The following GRXCR1 variants were observed in gnomAD, a reference collection of about 807,000 sequenced individuals.
GRXCR1 encodes the protein glutaredoxin and cysteine rich domain containing 1.
GRXCR1 carries 27 observed loss-of-function variants against 27.3 expected under a neutral mutation model. The observed-to-expected ratio is 0.99, with a 90% CI of 0.73 to 1.37. GRXCR1 has a LOEUF of 1.37. Ranked by LOEUF, GRXCR1 falls within the 40% of genes most tolerant of loss-of-function variation. The pLI, the probability that GRXCR1 is intolerant of heterozygous loss-of-function variation, is 0.00. For synonymous variants in GRXCR1, 122 were observed against 131.1 expected (o/e 0.93, Z 0.47); for missense variants, 379 against 354.4 (o/e 1.07, Z -0.56).
rs73177732 is a variant in GRXCR1, at chr4:42,965,690, T to G, written c.627+2556T>G. 3.9e-4 allele frequency among the ~76,000 whole-genome samples: 59 copies of G among 152,082 alleles called. 1 individual carries two copies. The highest frequency in any genetic ancestry group is 1.2e-3 in the African/African-American group (51 of 41,532). On this transcript the variant is annotated intron_variant, in intron 2 of 3. Transcript: ENST00000399770. ...TAGATGGGTGAGAAAAATCAAGATT[T>G]GTGAATCATCTGCACAATACAATTT...
chr4:42,957,211 G>A (rs1324156702), intron 1 of GRXCR1, among the ~76,000 whole-genome samples: 25 of 152,006 alleles, frequency 1.6e-4, no homozygotes, highest in Admixed American at 1.6e-3. Flanking sequence ...GACAAGAAGA[G>A]AAGGTACCCA....
chr4:42,977,078 T>TGTG (rs1748543032), intron 2 of GRXCR1, among the ~76,000 whole-genome samples: 2 of 152,210 alleles, frequency 1.3e-5, no homozygotes, highest in Admixed American at 1.3e-4. Flanking sequence ...TTTGCCTTAC[T>TGTG]GTGGCTGAGT....
intron 2 of GRXCR1, among the ~76,000 whole-genome samples, chr4:42,988,864 A>T (rs2109789860): frequency 6.6e-6 from 1 of 152,332 alleles, no homozygotes; most frequent in East Asian, 1.9e-4. Flanking sequence ...GGATAAGAAG[A>T]TCAATAAGAA....
rs185393567 is a variant in GRXCR1, at chr4:42,938,869, T to A, written c.385-24023T>A. Among the ~76,000 whole-genome samples, 588 of 98,450 alleles carry A rather than the reference T, an allele frequency of 6.0e-3. 2 individuals are homozygous for A. Among genetic ancestry groups the A allele is most frequent in the African/African-American group, 0.021 (558 of 26,378 alleles). The allele number at this position is 98,450 out of a possible 152,430, so 64.6% of individuals were successfully genotyped here. On this transcript the variant is annotated intron_variant, in intron 1 of 3. Transcript: ENST00000399770. Reference sequence around the variant, plus strand: ...TCTGTTCCATTGGTCTACGTGTCTGTTTTTTTTTTTGCCAGTACCATGCTG... The same window carrying A: ...TCTGTTCCATTGGTCTACGTGTCTGATTTTTTTTTTGCCAGTACCATGCTG...
At chr4:42,986,233 G>T (rs908042941) in intron 2 of GRXCR1, among the ~76,000 whole-genome samples, 1 of 152,086 alleles carries the variant, frequency 6.6e-6, no homozygotes, top group African/African-American at 2.4e-5. Context: ...TTATTTTCTG[G>T]GTTAGATTCA....
chr4:42,901,377 C>T (rs1449028509), intron 1 of GRXCR1, among the ~76,000 whole-genome samples: 1 of 152,140 alleles, frequency 6.6e-6, no homozygotes. Context: ...GCTGCTTCCT[C>T]TCTGGAGGCT....
chr4:42,948,927 A>T (rs187644324), intron 1 of GRXCR1, among the ~76,000 whole-genome samples: 91 of 152,332 alleles, frequency 6.0e-4, no homozygotes, highest in Non-Finnish European at 1.0e-3. Flanking sequence ...ATTTCTGTCC[A>T]TTGAAACCCA....
intron 2 of GRXCR1, among the ~76,000 whole-genome samples, chr4:43,002,267 C>T (rs1336827706): frequency 6.6e-6 from 1 of 152,348 alleles, no homozygotes; most frequent in Non-Finnish European, 1.5e-5. Flanking sequence ...GGCCATATTT[C>T]AGACTATCAC....
chr4:42,986,308 A>C (rs939061369), intron 2 of GRXCR1, among the ~76,000 whole-genome samples: 2 of 152,226 alleles, frequency 1.3e-5, no homozygotes, highest in African/African-American at 4.8e-5. Flanking sequence ...TAAAATGCTG[A>C]AGTGAGGGGC....
At chr4:43,009,293 T>G (rs1250221071) in intron 2 of GRXCR1, among the ~76,000 whole-genome samples, 2 of 152,224 alleles carry the variant, frequency 1.3e-5, no homozygotes, top group African/African-American at 4.8e-5. Context: ...GGAATCTTTC[T>G]AGACAAGGTT....
intron 2 of GRXCR1, among the ~76,000 whole-genome samples, chr4:43,017,781 G>C (rs1156310101): frequency 3.3e-5 from 5 of 152,146 alleles, no homozygotes; most frequent in African/African-American, 1.2e-4. Flanking sequence ...ACCAGGAAAA[G>C]ATAATTTCCT....
intron 1 of GRXCR1, among the ~76,000 whole-genome samples, chr4:42,960,839 AAATTTT>A (rs1748115584): frequency 6.6e-6 from 1 of 151,662 alleles, no homozygotes; most frequent in African/African-American, 2.4e-5. Flanking sequence ...TCCTTTTTTA[AAATTTT>A]AATTTTAATT....
chr4:42,918,896 G>T (rs1253660334), intron 1 of GRXCR1, among the ~76,000 whole-genome samples: 1 of 151,888 alleles, frequency 6.6e-6, no homozygotes, highest in Non-Finnish European at 1.5e-5. Context: ...TTGTTCATGT[G>T]AATTAACTGA....
intron 2 of GRXCR1, among the ~76,000 whole-genome samples, chr4:43,005,009 G>T (rs1712510451): frequency 3.9e-5 from 6 of 152,174 alleles, no homozygotes. Flanking sequence ...ATATCAAATT[G>T]TAATCCCCAC....
At chr4:42,944,286 A>C (rs764453248) in intron 1 of GRXCR1, among the ~76,000 whole-genome samples, 2 of 152,082 alleles carry the variant, frequency 1.3e-5, no homozygotes, top group African/African-American at 2.4e-5. Context: ...AGATTGTATC[A>C]GGATTTTAAA....
chr4:42,963,663 A>C (rs1748178147), intron 2 of GRXCR1, among the ~76,000 whole-genome samples: 1 of 152,050 alleles, frequency 6.6e-6, no homozygotes, highest in South Asian at 2.1e-4. Context: ...GGCTTACGGT[A>C]AGCAGAGAGA....
At chr4:42,992,758 TGTGA>T (rs1284995443) in intron 2 of GRXCR1, among the ~76,000 whole-genome samples, 2 of 152,100 alleles carry the variant, frequency 1.3e-5, no homozygotes, top group African/African-American at 4.8e-5. Context: ...GTGAGGTGAT[TGTGA>T]GTGATGATAA....
At position 43,020,310 on chromosome 4, in the gene GRXCR1, A is replaced by G. The variant is rs747636819; in HGVS notation, c.628-44A>G. ...TTGTTAGAACTTTATTTTCTCAAAT[A>G]CTAACAAAAATGGATTTTTCTCCCT... On this transcript the variant is annotated intron_variant, in intron 2 of 3. Transcript: ENST00000399770. 5 of 1,240,370 alleles carry G rather than the reference A, an allele frequency of 4.0e-6. No individual in the cohort carries two copies. The South Asian group carries it at 4.8e-5, about 12-fold the overall frequency. The allele number at this position is 1,240,370 out of a possible 1,614,324, so 76.8% of individuals were successfully genotyped here.
chr4:42,941,637 T>A (rs543675277), intron 1 of GRXCR1, among the ~76,000 whole-genome samples: 1 of 152,030 alleles, frequency 6.6e-6, no homozygotes, highest in African/African-American at 2.4e-5. Flanking sequence ...GGCTCCAGAG[T>A]TGTGACCAAA....
Sources: gnomAD v4.1 joint callset for allele counts (sites outside exome capture counted in the v4.1 genomes callset) on GRCh38, gnomAD v4.1.1 for gene constraint, MANE v1.5 for transcripts, NCBI Gene and HGNC (gene_info 2026-07-23, HGNC 2026-07-21) for gene names.